The following DPYS variants were observed in gnomAD, a reference collection of about 807,000 sequenced individuals.
DPYS encodes dihydropyrimidine amidohydrolase.
Under a neutral mutation model 50.3 loss-of-function variants are expected in DPYS, and 39 were observed. That is an observed-to-expected ratio of 0.78 (90% CI 0.60 to 1.01). The LOEUF (loss-of-function observed/expected upper bound fraction) is 1.01, where lower values mean the gene tolerates loss of function less well. DPYS is among the 50% of genes least tolerant of loss of function. The pLI is 0.00. For synonymous variants in DPYS, 245 were observed against 250.7 expected, an observed-to-expected ratio of 0.98 and a Z score of 0.22; for missense variants, 659 against 680.9, an observed-to-expected ratio of 0.97 and a Z score of 0.36.
rs147268524 is a variant in DPYS, at chr8:104,395,274, C to T, written c.1236-2283G>A. Among the ~76,000 whole-genome samples the T allele has an allele frequency of 2.1e-3, 320 of 152,276 alleles. 1 individual carries two copies. Among genetic ancestry groups the T allele is most frequent in the African/African-American group, 7.2e-3 (301 of 41,560 alleles). On this transcript the variant is annotated intron_variant, in intron 7 of 9. Transcript: ENST00000351513. ...TTGGCTTTCCAAAGTGTTGGGATTA[C>T]GGGCATGAGTCACTGCACCTGGTTG...
intron 4 of DPYS, among the ~76,000 whole-genome samples, chr8:104,431,508 A>G (rs1024134754): frequency 1.3e-5 from 2 of 151,850 alleles, no homozygotes; most frequent in Non-Finnish European, 2.9e-5. Context: ...TTCCTATTTC[A>G]CTATTTCTAA....
At chr8:104,445,438 A>G (rs1257325612) in intron 3 of DPYS, among the ~76,000 whole-genome samples, 1 of 152,202 alleles carries the variant, frequency 6.6e-6, no homozygotes, top group Non-Finnish European at 1.5e-5. Context: ...ATTCTGCCAT[A>G]AAAAAGAATG....
rs575430172 is a variant in DPYS at position 104,457,788 on chromosome 8, T to TC, written c.265-6385dup. ...TGTAAAGATGTCTTGCACATTCCTG[T>TC]CCATGCTTGGCTTCTTGCCTCCCTA... On this transcript the variant is annotated intron_variant, in intron 1 of 9. Coordinates refer to ENST00000351513, the MANE Select transcript of DPYS (RefSeq NM_001385.3). Among the ~76,000 whole-genome samples the TC allele has an allele frequency of 8.5e-5, 13 of 152,328 alleles. No homozygotes were observed. The South Asian group carries it at 2.7e-3, about 32-fold the overall frequency.
At chr8:104,428,293 T>A (rs1248129640) in intron 5 of DPYS, among the ~76,000 whole-genome samples, 172 bp from the exon 6 acceptor site, 2 of 152,220 alleles carry the variant, frequency 1.3e-5, no homozygotes, top group East Asian at 1.9e-4. Flanking sequence ...CTGTCTCTAT[T>A]CTAGGAAGCA....
Position 104,424,199 on chromosome 8 carries a change from T to G in DPYS, c.1235+48A>C, listed in dbSNP as rs1812643073. 5.0e-6 allele frequency: 8 copies of G among 1,613,746 alleles called. No homozygotes were observed. In the Middle Eastern group the frequency reaches 5.0e-4, roughly 100 times the overall value. On this transcript the variant is annotated intron_variant, in intron 7 of 9. Coordinates refer to ENST00000351513, the MANE Select transcript of DPYS (RefSeq NM_001385.3). ...AAAGCATTATTTCTGTGCAAGTTAG[T>G]GCATTTTCTCCACAATGAAGCCAAG...
intron 1 of DPYS, among the ~76,000 whole-genome samples, chr8:104,456,312 TAGAC>T (rs1296401167): frequency 2.0e-5 from 3 of 152,186 alleles, no homozygotes; most frequent in Admixed American, 6.5e-5. Context: ...ATAAATTAAA[TAGAC>T]AGAGCTGTTG....
intron 2 of DPYS, among the ~76,000 whole-genome samples, chr8:104,450,358 A>G (rs1478797527): frequency 1.3e-5 from 2 of 152,212 alleles, no homozygotes; most frequent in Non-Finnish European, 2.9e-5. Flanking sequence ...TTTGTTTTAG[A>G]TTAACTTGCT....
At chr8:104,383,722 C>T (rs76572262) in intron 8 of DPYS, among the ~76,000 whole-genome samples, 22,165 of 151,986 alleles carry the variant, frequency 0.15, 1,910 homozygotes, top group East Asian at 0.38. Flanking sequence ...ATATCTCAGC[C>T]GCCCAAGTAG....
intron 8 of DPYS, among the ~76,000 whole-genome samples, chr8:104,383,922 G>A (rs1364183550): frequency 6.6e-6 from 1 of 152,112 alleles, no homozygotes; most frequent in African/African-American, 2.4e-5. Context: ...TTTTTCTGTG[G>A]CTGGCTGTCT....
rs57562204 is a variant in DPYS, at chr8:104,399,866, CAAAAAAAAAA to C, written c.1236-6885_1236-6876del. Among the ~76,000 whole-genome samples the C allele has an allele frequency of 5.7e-5, 3 of 52,520 alleles. No homozygotes were observed. The South Asian group carries it at 3.5e-3, about 61-fold the overall frequency. The allele number at this position is 52,520 out of a possible 152,430, so 34.5% of individuals were successfully genotyped here. A position where few individuals can be genotyped will look rare whatever the true frequency, so the allele number is the denominator to read the frequency against. ...CCTGGGAGACAGCAAGACTCCGTCT[CAAAAAAAAAA>C]AAAAAAAAAAAAAAGAAAGAAACTA... On this transcript the variant is annotated intron_variant, in intron 7 of 9. Coordinates refer to ENST00000351513, the MANE Select transcript of DPYS (RefSeq NM_001385.3).
At chr8:104,428,643 C>T (rs1234035863) in intron 5 of DPYS, among the ~76,000 whole-genome samples, 7 of 152,288 alleles carry the variant, frequency 4.6e-5, no homozygotes, top group Admixed American at 3.3e-4. Flanking sequence ...CTGATATTAC[C>T]AGGGACAGGA....
chr8:104,408,071 C>T (rs372324719), intron 7 of DPYS, among the ~76,000 whole-genome samples: 23 of 152,338 alleles, frequency 1.5e-4, no homozygotes, highest in Non-Finnish European at 2.1e-4. Context: ...GTGCCAGGCA[C>T]GGTTCTAGGT....
At chr8:104,427,309 A>T (rs1310726057) in intron 6 of DPYS, among the ~76,000 whole-genome samples, 2 of 145,524 alleles carry the variant, frequency 1.4e-5, no homozygotes, top group African/African-American at 2.6e-5. Context: ...ATGGAGTCTC[A>T]CTGTGTTGCC....
intron 1 of DPYS, among the ~76,000 whole-genome samples, chr8:104,460,976 T>C (rs11989338): frequency 0.038 from 5,773 of 152,126 alleles, 374 homozygotes; most frequent in African/African-American, 0.13. Flanking sequence ...GAAATTGACA[T>C]AGATTTTTTT....
chr8:104,416,254 C>T (rs1377307626), intron 7 of DPYS, among the ~76,000 whole-genome samples: 1 of 152,148 alleles, frequency 6.6e-6, no homozygotes, highest in Non-Finnish European at 1.5e-5. Flanking sequence ...CCTCAAGGTG[C>T]TTTGCTATCA....
chr8:104,443,194 T>C (rs188817700), intron 4 of DPYS, among the ~76,000 whole-genome samples: 2 of 152,342 alleles, frequency 1.3e-5, no homozygotes, highest in Admixed American at 6.5e-5. Context: ...ACTAAAGTCT[T>C]TGAGTAAAAT....
intron 4 of DPYS, among the ~76,000 whole-genome samples, chr8:104,432,365 G>C (rs1812984351): frequency 1.3e-5 from 2 of 152,164 alleles, no homozygotes; most frequent in Non-Finnish European, 2.9e-5. Flanking sequence ...TTTATTAGAT[G>C]ACGGTGATAG....
In DPYS at chr8:104,392,055, G is replaced by A. The variant is rs544910298; in HGVS notation, c.1443+729C>T. 1.0e-3 allele frequency among the ~76,000 whole-genome samples: 152 copies of A among 152,308 alleles called. 2 individuals are homozygous for A. Among genetic ancestry groups the A allele is most frequent in the African/African-American group, 3.1e-3 (130 of 41,570 alleles). On this transcript the variant is annotated intron_variant, in intron 8 of 9. Transcript: ENST00000351513. ...GGCAACACAGCTAGGAAATGGTGGC[G>A]AGGGCAAGAGAGAATTTAGGTCTTC...
intron 7 of DPYS, among the ~76,000 whole-genome samples, chr8:104,413,626 A>G (rs888843912): frequency 2.0e-5 from 3 of 152,242 alleles, no homozygotes; most frequent in South Asian, 2.1e-4. Flanking sequence ...TAACATAAAC[A>G]TCAGAGAAGA....
Sources: allele counts gnomAD v4.1 joint callset (sites outside exome capture counted in the v4.1 genomes callset), GRCh38; gene constraint gnomAD v4.1.1; transcripts MANE v1.5; gene names NCBI Gene and HGNC (gene_info 2026-07-23, HGNC 2026-07-21).